Variants in IRAK3 observed in about 807,000 individuals in gnomAD.
IRAK3 encodes interleukin 1 receptor associated kinase 3.
In IRAK3, 57 loss-of-function variants were observed where a neutral mutation model predicts 56.6. The observed-to-expected ratio is 1.01, with a 90% confidence interval of 0.81 to 1.26. The LOEUF (loss-of-function observed/expected upper bound fraction) is 1.26, where lower values mean the gene tolerates loss of function less well. Ranked by LOEUF, IRAK3 falls within the 50% of genes most tolerant of loss-of-function variation. The pLI, the probability that IRAK3 is intolerant of heterozygous loss-of-function variation, is 0.00. For missense variants in IRAK3, 703 were observed against 719.0 expected, an observed-to-expected ratio of 0.98 and a Z score of 0.25; for synonymous variants, 258 against 255.7, an observed-to-expected ratio of 1.01 and a Z score of -0.09.
intron 8 of IRAK3, 147 bp from the exon 9 acceptor site, chr12:66,244,339 T>C: frequency 1.5e-6 from 1 of 650,004 alleles, no homozygotes; most frequent in Middle Eastern, 4.2e-4. Context: ...TGAAAGAATG[T>C]TCTCCAGTTC....
At chr12:66,226,660 T>C in intron 6 of IRAK3, 63 bp from the exon 7 acceptor site, 3 of 907,906 alleles carry the variant, frequency 3.3e-6, no homozygotes, top group Non-Finnish European at 5.6e-6. Context: ...CCCACACCAG[T>C]GTGTTGTTCA....
At chr12:66,193,383 A>G (rs1377635862) in intron 1 of IRAK3, among the ~76,000 whole-genome samples, 1 of 152,134 alleles carries the variant, frequency 6.6e-6, no homozygotes, top group Non-Finnish European at 1.5e-5. Flanking sequence ...GAGTTCCCAG[A>G]TACTCTACAT....
Position 66,248,116 on chromosome 12 carries a change from G to A in IRAK3, c.1736G>A (p.Ser579Asn), listed in dbSNP as rs761166185. The A allele has an allele frequency of 3.4e-5, 55 of 1,611,538 alleles. 1 individual carries two copies. The Admixed American group carries it at 8.7e-4, about 26-fold the overall frequency. ...TCTTGCAGGAGCAGGCCAGTGGAGA[G>A]CAGCTGTTCCTCCAAATTTTCCTGG... ...GHSCRSRPVE[S>N]SCSSKFSWDE... is the part of the protein sequence containing the mutation. The change falls in exon 12 of 12, where the codon AGC becomes AAC. Residue 579 changes from serine (S) to asparagine (N), a missense_variant. Transcript: ENST00000261233.
rs540339898 is a variant in IRAK3, at chr12:66,235,680, A to C, written c.887+7310A>C. Among the ~76,000 whole-genome samples the C allele has an allele frequency of 4.9e-4, 75 of 152,344 alleles. 1 individual carries two copies. The highest frequency in any genetic ancestry group is 1.8e-3 in the African/African-American group (75 of 41,580). ...GAAATAGCATGGAACAATGTATATA[A>C]AGTGAGATTAAGTGGAAAAGACCAA... is the stretch of plus-strand genomic sequence containing the variant. On this transcript the variant is annotated intron_variant, in intron 8 of 11. Coordinates refer to ENST00000261233, the MANE Select transcript of IRAK3 (RefSeq NM_007199.3).
chr12:66,193,753 C>T (rs1001928083), intron 1 of IRAK3, among the ~76,000 whole-genome samples: 3 of 152,220 alleles, frequency 2.0e-5, no homozygotes, highest in African/African-American at 7.2e-5. Flanking sequence ...CCATAAAGTA[C>T]TGACCTGTAT....
intron 11 of IRAK3, among the ~76,000 whole-genome samples, chr12:66,247,424 C>T (rs1276739189): frequency 6.6e-6 from 1 of 152,186 alleles, no homozygotes. Context: ...CCCAAGTTCA[C>T]AAAGCTAGTT....
At chr12:66,197,807 G>T in intron 1 of IRAK3, 1 of 985,332 alleles carries the variant, frequency 1.0e-6, no homozygotes, top group Non-Finnish European at 1.2e-6. Context: ...TCTCAGAAAT[G>T]TGCTTAAGGG....
At position 66,210,076 on chromosome 12, in the gene IRAK3, A is replaced by G. The variant is rs189986321; in HGVS notation, c.382-71A>G. 4,308 of 997,032 alleles carry G rather than the reference A, an allele frequency of 4.3e-3. 19 individuals carry two copies. Among genetic ancestry groups the G allele is most frequent in the Non-Finnish European group, 6.1e-3 (3,772 of 621,400 alleles). The allele number at this position is 997,032 out of a possible 1,614,324, so 61.8% of individuals were successfully genotyped here. ...CTGCATAGTCCCCAGGGAGCTTTGG[A>G]TTTGTGTTGAGGCTCTGTTCTTTCT... On this transcript the variant is annotated intron_variant, in intron 3 of 11. Coordinates refer to ENST00000261233, the MANE Select transcript of IRAK3 (RefSeq NM_007199.3).
chr12:66,196,740 A>T (rs1429382108), intron 1 of IRAK3: 2 of 771,520 alleles, frequency 2.6e-6, no homozygotes, highest in African/African-American at 3.5e-5. Context: ...TGAAGAATAG[A>T]TCTAACTTAT....
chr12:66,242,290 C>G (rs1461174053), intron 8 of IRAK3, among the ~76,000 whole-genome samples: 1 of 152,146 alleles, frequency 6.6e-6, no homozygotes, highest in African/African-American at 2.4e-5. Context: ...TTCAAATGCC[C>G]CCAGGACTCT....
chr12:66,198,901 C>T (rs983984497), intron 1 of IRAK3, among the ~76,000 whole-genome samples: 1 of 151,792 alleles, frequency 6.6e-6, no homozygotes, highest in African/African-American at 2.4e-5. Flanking sequence ...ACTATAGGTG[C>T]ATGCACACCA....
rs773680791 is a variant in IRAK3, at chr12:66,203,821, A to T, written c.244A>T (p.Thr82Ser). Residue 82 changes from threonine to serine, a missense_variant, in exon 2 of 12, where the codon ACC becomes TCC. By Grantham distance (58) the Thr-to-Ser change is moderately conservative. Transcript: ENST00000261233. ...LLWSWAQKNK[T>S]IGDLLQVLQE... ...TTGGTCCTGGGCACAGAAAAACAAG[A>T]CCATCGGTGACCTTTTACAGGTCCT... 2 of 1,614,058 alleles carry T rather than the reference A, an allele frequency of 1.2e-6. No individual in the cohort carries two copies. The highest frequency in any genetic ancestry group is 1.7e-6 in the Non-Finnish European group (2 of 1,179,944).
At chr12:66,209,169 A>T (rs1277935398) in intron 2 of IRAK3, among the ~76,000 whole-genome samples, 1 of 149,878 alleles carries the variant, frequency 6.7e-6, no homozygotes, top group Non-Finnish European at 1.5e-5. Flanking sequence ...TTACTTGTTT[A>T]TTATTTAATT....
intron 6 of IRAK3, among the ~76,000 whole-genome samples, chr12:66,225,696 C>T (rs576699342): frequency 7.9e-5 from 12 of 151,674 alleles, no homozygotes; most frequent in Admixed American, 4.6e-4. Context: ...TGATGGCACA[C>T]ACAATCGAGG....
intron 1 of IRAK3, among the ~76,000 whole-genome samples, chr12:66,200,085 T>C (rs1196637508): frequency 6.6e-6 from 1 of 152,232 alleles, no homozygotes; most frequent in Non-Finnish European, 1.5e-5. Flanking sequence ...TAAACATGCA[T>C]TGAAATAGAA....
At chr12:66,204,798 A>G (rs897743878) in intron 2 of IRAK3, among the ~76,000 whole-genome samples, 6 of 146,540 alleles carry the variant, frequency 4.1e-5, no homozygotes, top group South Asian at 4.2e-4. Context: ...ACACACACAC[A>G]CACACACACA....
Position 66,229,318 on chromosome 12 carries a change from C to A in IRAK3, c.887+948C>A, listed in dbSNP as rs544676639. 4.6e-5 allele frequency among the ~76,000 whole-genome samples: 7 copies of A among 152,208 alleles called. No homozygotes were observed. The South Asian group carries it at 6.2e-4, about 14-fold the overall frequency. Reference sequence around the variant, plus strand: ...AATCATTCACCCAGAGTAAATACCCCCTGTCGGTGAATTTTTTTCTATTTG... The same window carrying A: ...AATCATTCACCCAGAGTAAATACCCACTGTCGGTGAATTTTTTTCTATTTG... On this transcript the variant is annotated intron_variant, in intron 8 of 11. Coordinates refer to ENST00000261233, the MANE Select transcript of IRAK3 (RefSeq NM_007199.3).
At chr12:66,202,017 G>T (rs1270525849) in intron 1 of IRAK3, among the ~76,000 whole-genome samples, 3 of 152,138 alleles carry the variant, frequency 2.0e-5, no homozygotes, top group African/African-American at 7.2e-5. Context: ...GTCTCACAGG[G>T]GTATGGGTTG....
chr12:66,208,356 C>T (rs557820215), intron 2 of IRAK3, among the ~76,000 whole-genome samples: 3 of 151,906 alleles, frequency 2.0e-5, no homozygotes, highest in South Asian at 4.2e-4. Flanking sequence ...CACACACACA[C>T]GCACACACAC....
Sources: allele counts gnomAD v4.1 joint callset (sites outside exome capture counted in the v4.1 genomes callset), GRCh38; gene constraint gnomAD v4.1.1; transcripts MANE v1.5; gene names NCBI Gene and HGNC (gene_info 2026-07-23, HGNC 2026-07-21).